KLHL3: variants seen among roughly 807,000 people sequenced by gnomAD.
KLHL3 encodes the protein kelch-like protein 3.
Under a neutral mutation model 70.5 loss-of-function variants are expected in KLHL3, and 19 were observed. The ratio of observed to expected loss-of-function variants is 0.27; its 90% CI spans 0.19 to 0.40. The LOEUF (loss-of-function observed/expected upper bound fraction) is 0.40. Ranked by LOEUF, KLHL3 falls within the 10% of genes least tolerant of loss-of-function variation. The pLI, the probability that KLHL3 is intolerant of heterozygous loss-of-function variation, is 1.00. For synonymous variants in KLHL3, 258 were observed against 290.3 expected (o/e 0.89, Z 1.13); for missense variants, 512 against 771.1 (o/e 0.66, Z 3.98).
rs1751523585 is a variant in KLHL3 at position 137,663,060 on chromosome 5, T to C, written c.637-1029A>G. ...CAGTATCCTTGAGCACTCGTTCTTT[T>C]TTTTTTTTTTTTTTTTTTTTTGGTT... On this transcript the variant is annotated intron_variant, in intron 6 of 14. Transcript: ENST00000309755. Among the ~76,000 whole-genome samples, 4 of 143,592 alleles carry C rather than the reference T, an allele frequency of 2.8e-5. No individual in the cohort carries two copies. The South Asian group carries it at 9.2e-4, about 33-fold the overall frequency. 94.2% of individuals were successfully genotyped at this position (143,592 alleles called of 152,430 possible).
chr5:137,640,025 T>C, intron 8 of KLHL3, 48 bp from the exon 9 acceptor site: 2 of 1,492,862 alleles, frequency 1.3e-6, no homozygotes, highest in Non-Finnish European at 1.9e-6. Flanking sequence ...AAAATCTGGA[T>C]TTATGGTATC....
chr5:137,712,156 C>CAAAAAA lies in KLHL3; in HGVS notation c.135-2306_135-2301dup, dbSNP rs201519598. On this transcript the variant is annotated intron_variant, in intron 2 of 14. Coordinates refer to ENST00000309755, the MANE Select transcript of KLHL3 (RefSeq NM_017415.3). ...CCTGGGTGACAGAGCAAGATTCTGT[C>CAAAAAA]AAAAAAAAAAAAAAAAAAAAAAAAA... is the stretch of plus-strand genomic sequence containing the variant. Among the ~76,000 whole-genome samples the CAAAAAA allele has an allele frequency of 7.6e-4, 57 of 74,862 alleles. 1 individual carries two copies. Among genetic ancestry groups the CAAAAAA allele is most frequent in the African/African-American group, 2.8e-3 (51 of 18,352 alleles). The allele number at this position is 74,862 out of a possible 152,430, so 49.1% of individuals were successfully genotyped here. A position where few individuals can be genotyped will look rare whatever the true frequency, so the allele number is the denominator to read the frequency against.
At chr5:137,676,005 T>C (rs1751875744) in intron 6 of KLHL3, among the ~76,000 whole-genome samples, 1 of 152,162 alleles carries the variant, frequency 6.6e-6, no homozygotes, top group Non-Finnish European at 1.5e-5. Flanking sequence ...GTAAACGTGC[T>C]TGGTAAGAAG....
At chr5:137,627,995 C>T (rs1167058886) in intron 13 of KLHL3, 1 of 338,834 alleles carries the variant, frequency 3.0e-6, no homozygotes, top group Non-Finnish European at 5.5e-6. Context: ...GGGCAGCGGG[C>T]ACTGATGGCA....
chr5:137,669,444 C>T (rs1751695747), intron 6 of KLHL3, among the ~76,000 whole-genome samples: 1 of 149,904 alleles, frequency 6.7e-6, no homozygotes, highest in Non-Finnish European at 1.5e-5. Context: ...CCTACAGCAG[C>T]ACACTGCCAG....
At chr5:137,719,754 TG>T (rs1316432973) in intron 2 of KLHL3, among the ~76,000 whole-genome samples, 2 of 152,144 alleles carry the variant, frequency 1.3e-5, no homozygotes, top group African/African-American at 4.8e-5. Context: ...TTCAGACCAG[TG>T]AAAGAGAGAG....
At chr5:137,695,094 C>T (rs951731295) in intron 4 of KLHL3, among the ~76,000 whole-genome samples, 1 of 152,158 alleles carries the variant, frequency 6.6e-6, no homozygotes, top group Non-Finnish European at 1.5e-5. Flanking sequence ...TCCAAGGAGA[C>T]AGCAGCACAG....
At chr5:137,723,107 G>A (rs1753028531) in intron 1 of KLHL3, among the ~76,000 whole-genome samples, 1 of 152,182 alleles carries the variant, frequency 6.6e-6, no homozygotes, top group African/African-American at 2.4e-5. Flanking sequence ...GATACAAAGA[G>A]ATTTCTTTCT....
Position 137,684,773 on chromosome 5 carries a change from C to T in KLHL3, c.527-7119G>A, listed in dbSNP as rs76662211. 2.8e-3 allele frequency among the ~76,000 whole-genome samples: 422 copies of T among 152,322 alleles called. 1 individual carries two copies. Among genetic ancestry groups the T allele is most frequent in the African/African-American group, 9.8e-3 (406 of 41,580 alleles). On this transcript the variant is annotated intron_variant, in intron 5 of 14. Coordinates refer to ENST00000309755, the MANE Select transcript of KLHL3 (RefSeq NM_017415.3). Reference sequence around the variant, plus strand: ...TATAAGAAACAGGCTGTGAAAGACACTGGGGTCCATTTCCCAGCTACTAGT... The same window carrying T: ...TATAAGAAACAGGCTGTGAAAGACATTGGGGTCCATTTCCCAGCTACTAGT...
At chr5:137,688,751 C>T (rs577874049) in intron 5 of KLHL3, among the ~76,000 whole-genome samples, 8 of 152,220 alleles carry the variant, frequency 5.3e-5, no homozygotes, top group Non-Finnish European at 1.0e-4. Context: ...CCTCTCTGTG[C>T]CCTGGTTTCC....
At position 137,639,861 on chromosome 5, in the gene KLHL3, T is replaced by G. The variant is rs1355192584; in HGVS notation, c.1020A>C (p.Ala340=). The G allele has an allele frequency of 2.5e-6, 4 of 1,612,292 alleles. No homozygotes were observed. In the East Asian group the frequency reaches 8.9e-5, roughly 36 times the overall value. Residue 340 remains alanine, a splice_region_variant and synonymous_variant, in exon 9 of 15, where the codon GCA becomes GCC. Transcript: ENST00000309755. The surrounding 1 kb of genome is among the most constrained non-coding windows in gnomAD (Gnocchi z 5.0). The part of the protein sequence containing the change: ...IAELPSRRCR[A]GVVFMAGHVY... The stretch of plus-strand genomic sequence containing the variant: ...TTGCAGAACTGGGAGGCTGCTCACC[T>G]GCTCTGCATCTTCTGGAAGGAAGCT...
chr5:137,705,662 C>T (rs1367136564), intron 3 of KLHL3, among the ~76,000 whole-genome samples: 1 of 152,096 alleles, frequency 6.6e-6, no homozygotes, highest in South Asian at 2.1e-4. Flanking sequence ...GGCATAAGAC[C>T]CTGAGCCCAT....
chr5:137,701,624 T>C (rs1239607286), intron 3 of KLHL3, among the ~76,000 whole-genome samples: 1 of 152,178 alleles, frequency 6.6e-6, no homozygotes, highest in Non-Finnish European at 1.5e-5. Context: ...AAAGTATTTA[T>C]TGGAGTAGAA....
chr5:137,731,870 T>A (rs527422883), intron 1 of KLHL3, among the ~76,000 whole-genome samples: 5 of 152,306 alleles, frequency 3.3e-5, no homozygotes, highest in African/African-American at 1.2e-4. Flanking sequence ...AGATGTAACA[T>A]AAAATGTATA....
Position 137,628,405 on chromosome 5 carries a change from T to C in KLHL3, c.1483A>G (p.Thr495Ala). Residue 495 changes from threonine (T) to alanine (A), a missense_variant, in exon 13 of 15, where the codon ACA becomes GCA. By Grantham distance (58) the Thr-to-Ala change is moderately conservative (BLOSUM62 0). Transcript: ENST00000309755. ...VGVLSGQLYA[T>A]GGHDGPLVRK... ...ACCAAAGGCCCATCATGCCCACCTG[T>C]GGCGTACAGCTGTCCGCTAAGCACT... is the stretch of plus-strand genomic sequence containing the variant. The C allele has an allele frequency of 1.9e-6, 3 of 1,614,210 alleles. No homozygotes were observed. Among genetic ancestry groups the C allele is most frequent in the East Asian group, 4.5e-5 (2 of 44,878 alleles).
At chr5:137,694,856 T>C (rs1752408352) in intron 4 of KLHL3, among the ~76,000 whole-genome samples, 1 of 151,946 alleles carries the variant, frequency 6.6e-6, no homozygotes, top group Non-Finnish European at 1.5e-5. Context: ...GAGGAAGCCA[T>C]CAAATGTTGG....
chr5:137,634,210 A>G, intron 11 of KLHL3, 45 bp from the exon 12 acceptor site: 2 of 1,557,516 alleles, frequency 1.3e-6, no homozygotes, highest in Non-Finnish European at 1.7e-6. Context: ...GGATACTGGC[A>G]TGAAACCAGA....
chr5:137,720,358 G>A, intron 2 of KLHL3, 107 bp downstream of exon 2: 1 of 1,292,190 alleles, frequency 7.7e-7, no homozygotes, highest in South Asian at 1.3e-5. Context: ...TGGATGGAAA[G>A]AGTCAGAATT....
intron 2 of KLHL3, among the ~76,000 whole-genome samples, chr5:137,716,838 G>T (rs1230796456): frequency 6.6e-6 from 1 of 152,150 alleles, no homozygotes; most frequent in African/African-American, 2.4e-5. Flanking sequence ...TCTTTTGAAA[G>T]GGCTGGCTTT....
Sources: gnomAD v4.1 joint callset for allele counts (sites outside exome capture counted in the v4.1 genomes callset) on GRCh38, gnomAD v4.1.1 for gene constraint, Gnocchi (gnomAD v3.1) non-coding constraint, MANE v1.5 for transcripts, NCBI Gene and HGNC (gene_info 2026-07-23, HGNC 2026-07-21) for gene names.